FAM76A: variants seen among roughly 807,000 people sequenced by gnomAD.
The protein encoded by FAM76A is protein FAM76A.
A neutral mutation model predicts 46.2 loss-of-function variants in FAM76A; 32 were observed. The ratio of observed to expected loss-of-function variants is 0.69; its 90% CI spans 0.52 to 0.93. FAM76A has a LOEUF of 0.93. Among genes scored for constraint, FAM76A ranks in the 40% least tolerant of loss-of-function variants. The probability of loss-of-function intolerance (pLI) is 0.00; values close to 1 mark genes in which losing one functional copy is unlikely to be tolerated. For missense variants in FAM76A, 274 were observed against 361.5 expected (o/e 0.76, Z 1.96); for synonymous variants, 137 against 127.0 (o/e 1.08, Z -0.53).
At chr1:27,732,398 A>G (rs1163065837) in intron 2 of FAM76A, among the ~76,000 whole-genome samples, 1 of 152,186 alleles carries the variant, frequency 6.6e-6, no homozygotes, top group Non-Finnish European at 1.5e-5. Context: ...ACTGCACTCC[A>G]GCCTGGGGAA....
intron 5 of FAM76A, among the ~76,000 whole-genome samples, chr1:27,747,193 T>A (rs988413667): frequency 6.6e-6 from 1 of 152,238 alleles, no homozygotes; most frequent in South Asian, 2.1e-4. Context: ...TCCCAGATGA[T>A]TCTAATGCAG....
rs1199811677 is a variant in FAM76A at position 27,762,429 on chromosome 1, T to C, written c.*1848T>C. 6.6e-6 allele frequency: 1 copy of C among 152,090 alleles called. No individual in the cohort carries two copies. Among genetic ancestry groups the C allele is most frequent in the African/African-American group, 2.4e-5 (1 of 41,410 alleles). The allele number at this position is 152,090 out of a possible 1,614,324, so 9.4% of individuals were successfully genotyped here. ...ATTTGTACCTCAGTCTACCAAAAAA[T>C]TATAGTACTAAATTTAACTTCTAGG... On this transcript the variant is annotated 3_prime_UTR_variant, in exon 9 of 9. Coordinates refer to ENST00000373954, the MANE Select transcript of FAM76A (RefSeq NM_152660.3).
In FAM76A at chr1:27,759,639, T is replaced by C. The variant is rs968800535; in HGVS notation, c.837+12T>C. 1 of 1,592,814 alleles carries C rather than the reference T, an allele frequency of 6.3e-7. No individual in the cohort carries two copies. Among genetic ancestry groups the C allele is most frequent in the Non-Finnish European group, 8.6e-7 (1 of 1,161,974 alleles). On this transcript the variant is annotated intron_variant, in intron 8 of 8. Transcript: ENST00000373954. ...CAGAACAACTGCAGGTGACTGACTC[T>C]GCTTATTTTATGTGCTAAAATTGTG...
Position 27,761,370 on chromosome 1 carries a change from A to C in FAM76A, c.*789A>C, listed in dbSNP as rs1416179939. The C allele has an allele frequency of 1.3e-5, 2 of 152,602 alleles. No homozygotes were observed. The highest frequency in any genetic ancestry group is 4.8e-5 in the African/African-American group (2 of 41,442). The allele number at this position is 152,602 out of a possible 1,614,324, so 9.5% of individuals were successfully genotyped here. On this transcript the variant is annotated 3_prime_UTR_variant, in exon 9 of 9. Coordinates refer to ENST00000373954, the MANE Select transcript of FAM76A (RefSeq NM_152660.3). ...TTGCTAAGGTGAAACAATTCAATGC[A>C]TAAGTATGGAGCTAAGTGCCTTTTG...
intron 3 of FAM76A, among the ~76,000 whole-genome samples, chr1:27,733,503 A>G (rs2087993388): frequency 6.6e-6 from 1 of 152,090 alleles, no homozygotes; most frequent in South Asian, 2.1e-4. Context: ...TTATTTATTT[A>G]TTTAAAAATC....
chr1:27,751,308 AT>A (rs2148583492), intron 6 of FAM76A, among the ~76,000 whole-genome samples: 1 of 152,252 alleles, frequency 6.6e-6, no homozygotes, highest in Non-Finnish European at 1.5e-5. Flanking sequence ...TTAACATTCT[AT>A]TCTACTTGTT....
chr1:27,742,340 G>A (rs974845986), intron 4 of FAM76A, among the ~76,000 whole-genome samples: 5 of 152,188 alleles, frequency 3.3e-5, no homozygotes, highest in African/African-American at 4.8e-5. Flanking sequence ...AGACACCACA[G>A]CTTCAGAGGG....
intron 3 of FAM76A, among the ~76,000 whole-genome samples, chr1:27,733,269 A>C (rs988009875): frequency 3.9e-5 from 6 of 152,134 alleles, no homozygotes; most frequent in Non-Finnish European, 7.4e-5. Context: ...TTGTTTGGTA[A>C]CAGTTGACTA....
At chr1:27,755,402 A>G in intron 7 of FAM76A, 72 bp downstream of exon 7, 1 of 1,548,942 alleles carries the variant, frequency 6.5e-7, no homozygotes, top group Non-Finnish European at 8.9e-7. Flanking sequence ...ACATGATAAT[A>G]ACCCTTTTTA....
chr1:27,762,168 A>G lies in FAM76A; in HGVS notation c.*1587A>G, dbSNP rs1024228928. Reference sequence around the variant, plus strand: ...TGCTTCTCAGAAGCACTTTGCCTCAACCAGAGTTATGTATGCCCTGCCTAT... The same window carrying G: ...TGCTTCTCAGAAGCACTTTGCCTCAGCCAGAGTTATGTATGCCCTGCCTAT... On this transcript the variant is annotated 3_prime_UTR_variant, in exon 9 of 9. Coordinates refer to ENST00000373954, the MANE Select transcript of FAM76A (RefSeq NM_152660.3). The G allele has an allele frequency of 6.6e-5, 10 of 152,132 alleles. No individual in the cohort carries two copies. Among genetic ancestry groups the G allele is most frequent in the African/African-American group, 2.2e-4 (9 of 41,406 alleles). 9.4% of individuals were successfully genotyped at this position (152,132 alleles called of 1,614,324 possible).
chr1:27,735,430 T>A (rs2088028226), intron 4 of FAM76A, among the ~76,000 whole-genome samples: 1 of 152,208 alleles, frequency 6.6e-6, no homozygotes, highest in South Asian at 2.1e-4. Context: ...GCTCAATAAG[T>A]ATTTGTTGAA....
At chr1:27,749,542 A>G (rs751672710) in intron 6 of FAM76A, among the ~76,000 whole-genome samples, 2 of 152,062 alleles carry the variant, frequency 1.3e-5, no homozygotes, top group South Asian at 2.1e-4. Context: ...ATTTTTGTAC[A>G]TTTAGTAGAG....
At chr1:27,749,211 A>T in intron 6 of FAM76A, 57 bp downstream of exon 6, 1 of 1,199,092 alleles carries the variant, frequency 8.3e-7, no homozygotes, top group Non-Finnish European at 1.2e-6. Flanking sequence ...CAGTTCCTGA[A>T]ACAGGAATAC....
rs747668325 is a variant in FAM76A at position 27,759,573 on chromosome 1, A to G, written c.783A>G (p.Arg261=). The change falls in exon 8 of 9, where the codon AGA becomes AGG. Residue 261 remains arginine (R), a synonymous_variant. Coordinates refer to ENST00000373954, the MANE Select transcript of FAM76A (RefSeq NM_152660.3). The stretch of plus-strand genomic sequence containing the variant: ...TTCAGTACCAGGAATCGCAGATGAG[A>G]GCCAAAATGAACCAGATGGAGAAAA... ...ADFQYQESQM[R]AKMNQMEKTH... 6.5e-5 allele frequency: 105 copies of G among 1,613,808 alleles called. 1 individual carries two copies. In the South Asian group the frequency reaches 1.1e-3, roughly 17 times the overall value.
At chr1:27,748,461 T>G (rs2088278891) in intron 5 of FAM76A, among the ~76,000 whole-genome samples, 1 of 147,236 alleles carries the variant, frequency 6.8e-6, no homozygotes, top group Non-Finnish European at 1.5e-5. Flanking sequence ...ATTATACTTC[T>G]TATTGAAGTT....
intron 5 of FAM76A, among the ~76,000 whole-genome samples, chr1:27,746,980 A>G (rs983988743): frequency 6.6e-6 from 1 of 152,148 alleles, no homozygotes; most frequent in Admixed American, 6.5e-5. Context: ...TGGCTGAGAT[A>G]GGAGGATCGC....
At chr1:27,741,193 A>ATTTTTTTTT (rs767134759) in intron 4 of FAM76A, among the ~76,000 whole-genome samples, 1 of 116,514 alleles carries the variant, frequency 8.6e-6, no homozygotes, top group African/African-American at 3.7e-5. Context: ...GGGAGATTTG[A>ATTTTTTTTT]TTTTTTTTTT....
rs1370802238 is a variant in FAM76A at position 27,761,020 on chromosome 1, A to G, written c.*439A>G. 7.0e-6 allele frequency: 1 copy of G among 142,158 alleles called. No individual in the cohort carries two copies. Among genetic ancestry groups the G allele is most frequent in the Admixed American group, 7.2e-5 (1 of 13,798 alleles). 8.8% of individuals were successfully genotyped at this position (142,158 alleles called of 1,614,324 possible). ...GCAAACAGTTTGGCATTAATTATAT[A>G]TCACTGCCACCCTCTGAACTTTGAA... On this transcript the variant is annotated 3_prime_UTR_variant, in exon 9 of 9. Transcript: ENST00000373954.
At chr1:27,759,112 A>G (rs1258140882) in intron 7 of FAM76A, among the ~76,000 whole-genome samples, 2 of 152,102 alleles carry the variant, frequency 1.3e-5, no homozygotes, top group African/African-American at 4.8e-5. Flanking sequence ...GGGGTTTGAA[A>G]TCTAGCTCTG....
Sources: allele counts gnomAD v4.1 joint callset (sites outside exome capture counted in the v4.1 genomes callset), GRCh38; gene constraint gnomAD v4.1.1; transcripts MANE v1.5; gene names NCBI Gene and HGNC (gene_info 2026-07-23, HGNC 2026-07-21).